The following WFDC10B variants were observed in gnomAD, a reference collection of about 807,000 sequenced individuals.
WFDC10B encodes the protein protein WFDC10B.
Under a neutral mutation model 2.7 loss-of-function variants are expected in WFDC10B, and 1 was observed. That is an observed-to-expected ratio of 0.38 (90% CI 0.13 to 1.79). WFDC10B has a LOEUF of 1.79. Ranked by LOEUF, WFDC10B falls within the 40% of genes most tolerant of loss-of-function variation. The pLI is 0.33. For missense variants in WFDC10B, 71 were observed against 87.8 expected (o/e 0.81, Z 0.76); for synonymous variants, 26 against 32.2 (o/e 0.81, Z 0.65).
At chr20:45,697,903 C>G (rs975354438) in intron 2 of WFDC10B, among the ~76,000 whole-genome samples, 1 of 151,944 alleles carries the variant, frequency 6.6e-6, no homozygotes, top group Non-Finnish European at 1.5e-5. Context: ...GCCACCACTC[C>G]TGGCTAATTT....
At chr20:45,685,484 T>G (rs1983578770) in intron 3 of WFDC10B, among the ~76,000 whole-genome samples, 1 of 152,170 alleles carries the variant, frequency 6.6e-6, no homozygotes. Flanking sequence ...AACTTTTCAT[T>G]GCTTATGTCC....
rs1427500889 is a variant in WFDC10B, at chr20:45,685,926, A to T, written c.67T>A (p.Tyr23Asn). 1 of 1,614,106 alleles carries T rather than the reference A, an allele frequency of 6.2e-7. No homozygotes were observed. The highest frequency in any genetic ancestry group is 8.5e-7 in the Non-Finnish European group (1 of 1,180,026). ...CVLLLQAQGG[Y>N]RDKMRMQRIK... ...CTCTGCATCCTCATCTTGTCACGGT[A>T]TCCTCCCTGGGCCTGCAGCAGCAGC... is the stretch of plus-strand genomic sequence containing the variant. Residue 23 changes from tyrosine to asparagine, a missense_variant, in exon 3 of 4, where the codon TAC becomes AAC. By Grantham distance (143) the Tyr-to-Asn change is moderately radical. Transcript: ENST00000330523.
In WFDC10B at chr20:45,684,678, G is replaced by T; in HGVS notation, c.*152C>A. ...CATGGGCATTTGTTCTGGTTTATTT[G>T]ACAGGGACAGGGAGTTCAGACACTG... On this transcript the variant is annotated 3_prime_UTR_variant, in exon 4 of 4. Coordinates refer to ENST00000330523, the MANE Select transcript of WFDC10B (RefSeq NM_172006.2). The T allele has an allele frequency of 9.7e-7, 1 of 1,028,414 alleles. No homozygotes were observed. Among genetic ancestry groups the T allele is most frequent in the Non-Finnish European group, 1.4e-6 (1 of 712,678 alleles). The allele number at this position is 1,028,414 out of a possible 1,614,324, so 63.7% of individuals were successfully genotyped here.
chr20:45,685,089 G>A, intron 3 of WFDC10B, 129 bp from the exon 4 acceptor site: 1 of 1,213,976 alleles, frequency 8.2e-7, no homozygotes, highest in Non-Finnish European at 1.1e-6. Context: ...ACTCTTCAGG[G>A]AACTTCCTTC....
intron 2 of WFDC10B, among the ~76,000 whole-genome samples, chr20:45,702,840 C>CAGGTT (rs1984222853): frequency 1.3e-5 from 2 of 152,320 alleles, no homozygotes; most frequent in Admixed American, 1.3e-4. Flanking sequence ...TAACCAATAC[C>CAGGTT]AAGTGGGAAA....
At chr20:45,704,662 T>TA (rs2145645682) in intron 1 of WFDC10B, 101 bp from the exon 2 acceptor site, 1 of 1,571,754 alleles carries the variant, frequency 6.4e-7, no homozygotes, top group East Asian at 2.2e-5. Context: ...AAGAGTCCCT[T>TA]ACCAGCAACT....
At chr20:45,685,052 G>T in intron 3 of WFDC10B, 92 bp from the exon 4 acceptor site, 1 of 1,541,650 alleles carries the variant, frequency 6.5e-7, no homozygotes, top group East Asian at 2.3e-5. Context: ...CAGAACCAAG[G>T]CACCCCTGCC....
At chr20:45,685,532 C>A (rs1011088819) in intron 3 of WFDC10B, among the ~76,000 whole-genome samples, 3 of 152,204 alleles carry the variant, frequency 2.0e-5, no homozygotes, top group Admixed American at 1.3e-4. Context: ...TACACCTACA[C>A]CTACCCTCAT....
At chr20:45,690,391 G>C (rs888170787) in intron 2 of WFDC10B, among the ~76,000 whole-genome samples, 20 of 151,946 alleles carry the variant, frequency 1.3e-4, no homozygotes, top group Admixed American at 1.3e-3. Context: ...TTTTCTATTG[G>C]TTGGAATAGT....
At chr20:45,704,877 C>T in intron 1 of WFDC10B, 41 bp downstream of exon 1, 1 of 1,598,952 alleles carries the variant, frequency 6.3e-7, no homozygotes, top group Non-Finnish European at 8.6e-7. Flanking sequence ...CACAGACCTT[C>T]CCCCGACCCA....
At chr20:45,698,778 C>T (rs1600963139) in intron 2 of WFDC10B, among the ~76,000 whole-genome samples, 1 of 152,058 alleles carries the variant, frequency 6.6e-6, no homozygotes, top group African/African-American at 2.4e-5. Flanking sequence ...ACCAGCCTCG[C>T]CAACATGGTG....
At chr20:45,695,167 G>C (rs1983940005) in intron 2 of WFDC10B, among the ~76,000 whole-genome samples, 1 of 152,206 alleles carries the variant, frequency 6.6e-6, no homozygotes, top group African/African-American at 2.4e-5. Flanking sequence ...GATCAAAAGT[G>C]CAGGAGGCCC....
intron 2 of WFDC10B, among the ~76,000 whole-genome samples, chr20:45,699,096 A>C (rs1984068563): frequency 6.6e-6 from 1 of 152,154 alleles, no homozygotes; most frequent in Non-Finnish European, 1.5e-5. Flanking sequence ...ACATTTTTTG[A>C]CTGGCTATAA....
At chr20:45,702,323 G>T in intron 2 of WFDC10B, 1 of 1,111,934 alleles carries the variant, frequency 9.0e-7, no homozygotes, top group Non-Finnish European at 1.3e-6. Flanking sequence ...ATGTTCAAGG[G>T]CCCAAGCTTT....
rs371587341 is a variant in WFDC10B, at chr20:45,702,195, C to T, written c.-65+2302G>A. On this transcript the variant is annotated intron_variant, in intron 2 of 3. Transcript: ENST00000330523. ...CACTGCAGCTGGTGCCTGGGAGTCC[C>T]AAGCAGCGTGTTCTGAGTAGGTGCT... The T allele has an allele frequency of 1.5e-5, 24 of 1,612,452 alleles. No homozygotes were observed. The African/African-American group carries it at 2.8e-4, about 19-fold the overall frequency.
chr20:45,684,789 G>A lies in WFDC10B; in HGVS notation c.*41C>T, dbSNP rs571668815. ...ATGTGGGCACAGTCTCGGATGGAAG[G>A]GTTCAGGGAGCAGGATGCACATCCC... is the stretch of plus-strand genomic sequence containing the variant. On this transcript the variant is annotated 3_prime_UTR_variant, in exon 4 of 4. Transcript: ENST00000330523. The A allele has an allele frequency of 2.5e-6, 4 of 1,607,030 alleles. No homozygotes were observed. Among genetic ancestry groups the A allele is most frequent in the South Asian group, 1.1e-5 (1 of 90,034 alleles).
At chr20:45,694,424 A>C (rs1020426589) in intron 2 of WFDC10B, among the ~76,000 whole-genome samples, 1 of 152,226 alleles carries the variant, frequency 6.6e-6, no homozygotes, top group Non-Finnish European at 1.5e-5. Flanking sequence ...AAATATTGTT[A>C]AAAGAAACAA....
chr20:45,698,756 C>G (rs900588757), intron 2 of WFDC10B, among the ~76,000 whole-genome samples: 2 of 152,034 alleles, frequency 1.3e-5, no homozygotes, highest in Admixed American at 1.3e-4. Context: ...CACCTGAGGT[C>G]AGGAGTCCAA....
At chr20:45,689,732 A>T (rs2145635793) in intron 2 of WFDC10B, among the ~76,000 whole-genome samples, 1 of 152,324 alleles carries the variant, frequency 6.6e-6, no homozygotes, top group Admixed American at 6.5e-5. Flanking sequence ...CAACTTAAGG[A>T]GATTTTGGGC....
Sources: allele counts gnomAD v4.1 joint callset (sites outside exome capture counted in the v4.1 genomes callset), GRCh38; gene constraint gnomAD v4.1.1; transcripts MANE v1.5; gene names NCBI Gene and HGNC (gene_info 2026-07-23, HGNC 2026-07-21).